The following GRAMD1C variants were observed in gnomAD, a reference collection of about 807,000 sequenced individuals.
The protein encoded by GRAMD1C is protein Aster-C.
Under a neutral mutation model 97.8 loss-of-function variants are expected in GRAMD1C, and 89 were observed. The ratio of observed to expected loss-of-function variants is 0.91; its 90% CI spans 0.77 to 1.09. The LOEUF is 1.09. Among genes scored for constraint, GRAMD1C ranks in the 50% least tolerant of loss-of-function variants. GRAMD1C has a pLI of 0.00. For missense variants in GRAMD1C, 740 were observed against 766.4 expected, an observed-to-expected ratio of 0.97 and a Z score of 0.41; for synonymous variants, 256 against 267.0, an observed-to-expected ratio of 0.96 and a Z score of 0.40.
intron 17 of GRAMD1C, among the ~76,000 whole-genome samples, chr3:113,943,684 C>T (rs1177861494): frequency 1.3e-5 from 2 of 152,178 alleles, no homozygotes; most frequent in East Asian, 3.8e-4. Context: ...GAGGCCAAGG[C>T]AGGCAGATTG....
chr3:113,842,968 AAAAAC>A (rs1281852964), intron 1 of GRAMD1C, among the ~76,000 whole-genome samples: 6 of 151,524 alleles, frequency 4.0e-5, no homozygotes, highest in Admixed American at 6.6e-5. Flanking sequence ...GTTTCAAAAA[AAAAAC>A]AAAACAAAAA....
At chr3:113,893,461 A>G (rs1248148857) in intron 6 of GRAMD1C, among the ~76,000 whole-genome samples, 5 of 151,960 alleles carry the variant, frequency 3.3e-5, no homozygotes, top group African/African-American at 1.2e-4. Flanking sequence ...AGTTCTCATT[A>G]ATAAACCTGA....
rs1000575504 is a variant in GRAMD1C, at chr3:113,945,604, A to G, written c.*126A>G. 1.3e-5 allele frequency: 8 copies of G among 606,294 alleles called. No homozygotes were observed. Among genetic ancestry groups the G allele is most frequent in the South Asian group, 1.1e-4 (5 of 47,284 alleles). The allele number at this position is 606,294 out of a possible 1,614,324, so 37.6% of individuals were successfully genotyped here. A position where few individuals can be genotyped will look rare whatever the true frequency, so the allele number is the denominator to read the frequency against. The stretch of plus-strand genomic sequence containing the variant: ...TTTTTTCATTATTGAGATTTCTAAT[A>G]TGAACATTTCTTTCAGTAACATTTA... On this transcript the variant is annotated 3_prime_UTR_variant, in exon 18 of 18. Coordinates refer to ENST00000358160, the MANE Select transcript of GRAMD1C (RefSeq NM_017577.5).
intron 10 of GRAMD1C, among the ~76,000 whole-genome samples, chr3:113,930,320 T>G (rs931684645): frequency 3.3e-5 from 5 of 152,198 alleles, no homozygotes; most frequent in African/African-American, 1.2e-4. Context: ...CAAAAATATT[T>G]TAAAGTTTTG....
chr3:113,875,820 A>G, intron 4 of GRAMD1C: 1 of 407,360 alleles, frequency 2.5e-6, no homozygotes, highest in Non-Finnish European at 4.3e-6. Flanking sequence ...ATTGAAAAAA[A>G]GCTTGAACAT....
intron 17 of GRAMD1C, 104 bp downstream of exon 17, chr3:113,940,449 A>C: frequency 1.5e-6 from 1 of 668,714 alleles, no homozygotes; most frequent in Non-Finnish European, 2.6e-6. Flanking sequence ...GTTTGAAAAA[A>C]TCCCCCTGCT....
chr3:113,898,961 A>G (rs1285619439), intron 6 of GRAMD1C, among the ~76,000 whole-genome samples: 3 of 152,256 alleles, frequency 2.0e-5, no homozygotes, highest in African/African-American at 7.2e-5. Flanking sequence ...TTGAAGGTCC[A>G]TGAAATGTAA....
At chr3:113,895,260 C>T (rs979557003) in intron 6 of GRAMD1C, among the ~76,000 whole-genome samples, 1 of 152,040 alleles carries the variant, frequency 6.6e-6, no homozygotes, top group African/African-American at 2.4e-5. Context: ...GTGTTCTGGG[C>T]GATAGAAGAA....
chr3:113,884,426 A>G (rs2107404777), intron 6 of GRAMD1C, among the ~76,000 whole-genome samples: 1 of 152,356 alleles, frequency 6.6e-6, no homozygotes, highest in South Asian at 2.1e-4. Context: ...CAACAACAAA[A>G]CATACCAAAA....
At chr3:113,916,257 A>T (rs563428348) in intron 10 of GRAMD1C, among the ~76,000 whole-genome samples, 1 of 152,190 alleles carries the variant, frequency 6.6e-6, no homozygotes. Flanking sequence ...CTAGGTATAC[A>T]TTCATCAGAA....
At chr3:113,934,868 C>G (rs1180792281) in intron 13 of GRAMD1C, among the ~76,000 whole-genome samples, 1 of 152,060 alleles carries the variant, frequency 6.6e-6, no homozygotes, top group Non-Finnish European at 1.5e-5. Flanking sequence ...CTCAGCTTCC[C>G]GAGTAGCTGG....
chr3:113,879,346 A>G (rs1032747954), intron 5 of GRAMD1C, among the ~76,000 whole-genome samples: 1 of 152,058 alleles, frequency 6.6e-6, no homozygotes, highest in African/African-American at 2.4e-5. Context: ...GTTTGTCACT[A>G]TGTGTGGTTG....
intron 2 of GRAMD1C, among the ~76,000 whole-genome samples, chr3:113,859,350 A>G (rs1016283052): frequency 1.3e-5 from 2 of 152,110 alleles, no homozygotes; most frequent in African/African-American, 4.8e-5. Flanking sequence ...TAGATGGATT[A>G]TCTAGAAGTG....
chr3:113,912,984 C>T (rs901127443), intron 9 of GRAMD1C: 6 of 325,412 alleles, frequency 1.8e-5, no homozygotes, highest in South Asian at 1.6e-4. Flanking sequence ...AGATCCTTGC[C>T]ATTGAAGTCA....
intron 6 of GRAMD1C, among the ~76,000 whole-genome samples, chr3:113,888,041 T>G (rs1352420979): frequency 6.6e-6 from 1 of 152,088 alleles, no homozygotes; most frequent in Non-Finnish European, 1.5e-5. Context: ...GGTGGCTTCA[T>G]TGGTGAACCA....
chr3:113,846,401 C>T (rs907948139), intron 2 of GRAMD1C, among the ~76,000 whole-genome samples: 4 of 152,106 alleles, frequency 2.6e-5, no homozygotes, highest in East Asian at 3.8e-4. Flanking sequence ...CCACTGTGCC[C>T]GTCCTCTGCA....
chr3:113,872,040 A>C (rs1934836918), intron 3 of GRAMD1C, among the ~76,000 whole-genome samples: 1 of 152,206 alleles, frequency 6.6e-6, no homozygotes, highest in African/African-American at 2.4e-5. Context: ...ATTTCTAGAC[A>C]GCTCAGCTCA....
At chr3:113,850,820 G>A (rs1933865669) in intron 2 of GRAMD1C, 1 of 557,280 alleles carries the variant, frequency 1.8e-6, no homozygotes, top group Admixed American at 4.1e-5. Flanking sequence ...TATTTTTTTT[G>A]AGATGGAGTA....
chr3:113,907,213 C>T (rs1482126166), intron 8 of GRAMD1C, among the ~76,000 whole-genome samples: 1 of 152,148 alleles, frequency 6.6e-6, no homozygotes, highest in East Asian at 1.9e-4. Flanking sequence ...CTTTTCCACC[C>T]TCCCCCAAGA....
Sources: gnomAD v4.1 joint callset for allele counts (sites outside exome capture counted in the v4.1 genomes callset) on GRCh38, gnomAD v4.1.1 for gene constraint, MANE v1.5 for transcripts, NCBI Gene and HGNC (gene_info 2026-07-23, HGNC 2026-07-21) for gene names.